The following PPP4R2 variants were observed in gnomAD, a reference collection of about 807,000 sequenced individuals.
PPP4R2 encodes the protein serine/threonine-protein phosphatase 4 regulatory subunit 2.
A neutral mutation model predicts 47.2 loss-of-function variants in PPP4R2; 13 were observed. That is an observed-to-expected ratio of 0.28 (90% confidence interval 0.18 to 0.44). PPP4R2 has a LOEUF of 0.44. Among genes scored for constraint, PPP4R2 ranks in the 20% least tolerant of loss-of-function variants. The pLI is 1.00. For synonymous variants in PPP4R2, 151 were observed against 163.3 expected, an observed-to-expected ratio of 0.92 and a Z score of 0.57; for missense variants, 421 against 491.2, an observed-to-expected ratio of 0.86 and a Z score of 1.35.
intron 2 of PPP4R2, among the ~76,000 whole-genome samples, chr3:73,040,499 A>ATTTT (rs11342756): frequency 1.7e-5 from 2 of 117,586 alleles, no homozygotes; most frequent in African/African-American, 3.4e-5. Flanking sequence ...ATGTGACCTA[A>ATTTT]TTTTTTTTTT....
In PPP4R2 at chr3:73,000,400, G is replaced by T. The variant is rs114450546; in HGVS notation, c.116+2242G>T. ...GCATTATAGCAAGAAAGCATTAACAGAAGTAGTATGTGAAACTGTTTATGG... is the reference window on the plus strand; with the variant it reads ...GCATTATAGCAAGAAAGCATTAACATAAGTAGTATGTGAAACTGTTTATGG... On this transcript the variant is annotated intron_variant, in intron 2 of 8. Coordinates refer to ENST00000356692, the MANE Select transcript of PPP4R2 (RefSeq NM_174907.4). Among the ~76,000 whole-genome samples, 615 of 152,272 alleles carry T rather than the reference G, an allele frequency of 4.0e-3. 4 individuals carry two copies. Among genetic ancestry groups the T allele is most frequent in the African/African-American group, 0.014 (579 of 41,546 alleles).
intron 2 of PPP4R2, among the ~76,000 whole-genome samples, chr3:73,026,710 TA>T (rs879664615): frequency 1.3e-4 from 18 of 134,248 alleles, no homozygotes; most frequent in African/African-American, 3.1e-4. Flanking sequence ...GATTTTTTTT[TA>T]AAAAAAGCAC....
chr3:73,010,444 T>C (rs1341581009), intron 2 of PPP4R2, among the ~76,000 whole-genome samples: 1 of 152,228 alleles, frequency 6.6e-6, no homozygotes, highest in Non-Finnish European at 1.5e-5. Flanking sequence ...CATTTGCAGC[T>C]ATAAGTGTCA....
intron 2 of PPP4R2, among the ~76,000 whole-genome samples, chr3:73,000,930 T>G (rs1701446204): frequency 6.6e-6 from 1 of 152,210 alleles, no homozygotes. Context: ...TTGCAATTAT[T>G]ATCCTTTTTG....
At chr3:73,047,440 A>ATCAT in intron 3 of PPP4R2, 84 bp downstream of exon 3, 2 of 815,524 alleles carry the variant, frequency 2.5e-6, no homozygotes, top group Non-Finnish European at 3.7e-6. Flanking sequence ...TGTCTGGTTG[A>ATCAT]TGATTGATTA....
intron 2 of PPP4R2, among the ~76,000 whole-genome samples, chr3:73,014,254 C>G (rs1305123818): frequency 7.7e-6 from 1 of 129,884 alleles, no homozygotes; most frequent in East Asian, 1.9e-4. Flanking sequence ...TCCATGTTAG[C>G]ACCAAGCATT....
chr3:73,050,421 CAT>C (rs142580297), intron 3 of PPP4R2, among the ~76,000 whole-genome samples: 9,912 of 151,784 alleles, frequency 0.065, 357 homozygotes, highest in African/African-American at 0.095. Flanking sequence ...TATGTTGAAA[CAT>C]GTTTACAAAA....
chr3:73,026,682 ACATTAT>A (rs1702070835), intron 2 of PPP4R2, among the ~76,000 whole-genome samples: 1 of 147,514 alleles, frequency 6.8e-6, no homozygotes. Flanking sequence ...CTTTCTTGAA[ACATTAT>A]GAGATTTTTG....
intron 2 of PPP4R2, among the ~76,000 whole-genome samples, chr3:73,011,581 C>T (rs1171326963): frequency 6.6e-6 from 1 of 152,020 alleles, no homozygotes; most frequent in Non-Finnish European, 1.5e-5. Context: ...TAAGCTTGAC[C>T]TCATGTACTG....
At chr3:73,063,431 C>A in intron 5 of PPP4R2, 1 of 370,704 alleles carries the variant, frequency 2.7e-6, no homozygotes, top group Non-Finnish European at 5.0e-6. Flanking sequence ...TGAGGCTAGC[C>A]TGGCCAACAT....
intron 3 of PPP4R2, among the ~76,000 whole-genome samples, chr3:73,058,498 C>G (rs936719184): frequency 5.9e-5 from 9 of 151,402 alleles, no homozygotes; most frequent in Non-Finnish European, 1.0e-4. Flanking sequence ...TTTGGGTGTT[C>G]TAAGTTGCTT....
At chr3:73,042,289 A>T (rs1457763701) in intron 2 of PPP4R2, among the ~76,000 whole-genome samples, 2 of 151,766 alleles carry the variant, frequency 1.3e-5, no homozygotes, top group African/African-American at 4.8e-5. Flanking sequence ...GTACATTCCT[A>T]AGAAATTGTT....
chr3:73,055,499 T>C (rs1212205478), intron 3 of PPP4R2, among the ~76,000 whole-genome samples: 1 of 151,162 alleles, frequency 6.6e-6, no homozygotes, highest in Non-Finnish European at 1.5e-5. Context: ...ATCCTTAATG[T>C]GTGGGGCGGG....
rs371936165 is a variant in PPP4R2 at position 73,058,170 on chromosome 3, A to G, written c.288-867A>G. On this transcript the variant is annotated intron_variant, in intron 3 of 8. Coordinates refer to ENST00000356692, the MANE Select transcript of PPP4R2 (RefSeq NM_174907.4). ...TTTTGTATTTACTGTGGTCAAGGAA[A>G]AATTGAGGTATAGTGAAATTATTTG... Among the ~76,000 whole-genome samples the G allele has an allele frequency of 4.6e-5, 7 of 152,258 alleles. No individual in the cohort carries two copies. The East Asian group carries it at 9.6e-4, about 21-fold the overall frequency.
intron 2 of PPP4R2, among the ~76,000 whole-genome samples, chr3:73,021,314 G>A (rs572130117): frequency 1.5e-3 from 228 of 151,064 alleles, no homozygotes; most frequent in African/African-American, 5.2e-3. Context: ...ACTCACTGTA[G>A]CCTCAATCTC....
Position 73,067,762 on chromosome 3 carries a change from T to TA in PPP4R2, c.*2041dup, listed in dbSNP as rs1703030940. ...TGGTTGTAAGTTGAAGATTTAGCAT[T>TA]ATGACTTTGAGGTCTGTGGTTTTAT... On this transcript the variant is annotated 3_prime_UTR_variant, in exon 9 of 9. Transcript: ENST00000356692. 6.6e-6 allele frequency: 1 copy of TA among 152,220 alleles called. No individual in the cohort carries two copies. The highest frequency in any genetic ancestry group is 2.4e-5 in the African/African-American group (1 of 41,468). The allele number at this position is 152,220 out of a possible 1,614,324, so 9.4% of individuals were successfully genotyped here.
At chr3:73,018,690 A>C (rs112274475) in intron 2 of PPP4R2, among the ~76,000 whole-genome samples, 74 of 152,090 alleles carry the variant, frequency 4.9e-4, no homozygotes, top group African/African-American at 1.6e-3. Flanking sequence ...TTCACTGAAT[A>C]TGCAGTGTTC....
At chr3:73,013,489 G>GA (rs968628254) in intron 2 of PPP4R2, among the ~76,000 whole-genome samples, 4 of 101,420 alleles carry the variant, frequency 3.9e-5, no homozygotes, top group Admixed American at 8.7e-5. Context: ...AAAAATGTAA[G>GA]AAAAAAAATC....
At chr3:73,005,393 G>A (rs116260162) in intron 2 of PPP4R2, among the ~76,000 whole-genome samples, 7,204 of 147,872 alleles carry the variant, frequency 0.049, 580 homozygotes, top group African/African-American at 0.17. Flanking sequence ...CTTTCAATAT[G>A]AATTTTTAAA....
Sources: allele counts gnomAD v4.1 joint callset (sites outside exome capture counted in the v4.1 genomes callset), GRCh38; gene constraint gnomAD v4.1.1; transcripts MANE v1.5; gene names NCBI Gene and HGNC (gene_info 2026-07-23, HGNC 2026-07-21).